STPG2: variants seen among roughly 807,000 people sequenced by gnomAD.
STPG2 encodes sperm-tail PG-rich repeat-containing protein 2.
In STPG2, 56 loss-of-function variants were observed where a neutral mutation model predicts 54.2. The observed-to-expected ratio is 1.03, with a 90% CI of 0.83 to 1.29. The LOEUF (loss-of-function observed/expected upper bound fraction) is 1.29, where lower values mean the gene tolerates loss of function less well. Ranked by LOEUF, STPG2 falls within the 50% of genes most tolerant of loss-of-function variation. The pLI is 0.00. For synonymous variants in STPG2, 200 were observed against 181.8 expected, an observed-to-expected ratio of 1.10 and a Z score of -0.81; for missense variants, 596 against 544.9, an observed-to-expected ratio of 1.09 and a Z score of -0.93.
chr4:97,989,157 GA>G (rs1396296796), intron 5 of STPG2, among the ~76,000 whole-genome samples: 3 of 152,164 alleles, frequency 2.0e-5, no homozygotes, highest in East Asian at 1.9e-4. Flanking sequence ...TGATATGTAA[GA>G]TTTTTTTTAT....
At chr4:97,773,593 T>C (rs1726282134) in intron 9 of STPG2, among the ~76,000 whole-genome samples, 1 of 152,152 alleles carries the variant, frequency 6.6e-6, no homozygotes, top group Admixed American at 6.5e-5. Context: ...ATTACAGGCA[T>C]GAGCCACCAC....
chr4:97,901,414 C>T (rs1158459294), intron 8 of STPG2, among the ~76,000 whole-genome samples: 5 of 151,862 alleles, frequency 3.3e-5, no homozygotes, highest in Non-Finnish European at 7.4e-5. Flanking sequence ...TTGAGGATGA[C>T]ATGTTCTTAC....
chr4:97,873,549 C>A (rs1398322821), intron 8 of STPG2, among the ~76,000 whole-genome samples: 1 of 151,386 alleles, frequency 6.6e-6, no homozygotes, highest in Non-Finnish European at 1.5e-5. Flanking sequence ...TGTATCTTCT[C>A]TTTTAATATG....
chr4:97,638,134 A>C (rs1357188525), intron 10 of STPG2, among the ~76,000 whole-genome samples: 1 of 152,186 alleles, frequency 6.6e-6, no homozygotes, highest in African/African-American at 2.4e-5. Flanking sequence ...TGGTACTGGT[A>C]CCAAAACAGA....
At chr4:97,979,820 G>C (rs926416975) in intron 6 of STPG2, among the ~76,000 whole-genome samples, 2 of 151,734 alleles carry the variant, frequency 1.3e-5, no homozygotes, top group Non-Finnish European at 2.9e-5. Flanking sequence ...CGCCTCCCAG[G>C]TTCAAGCAAT....
chr4:97,840,127 C>G (rs755672241), intron 9 of STPG2, among the ~76,000 whole-genome samples: 2 of 151,360 alleles, frequency 1.3e-5, no homozygotes, highest in Non-Finnish European at 3.0e-5. Context: ...TGTAAATGCT[C>G]AAATAAATGT....
At chr4:97,735,275 A>T (rs2149030046) in intron 9 of STPG2, among the ~76,000 whole-genome samples, 2 of 151,908 alleles carry the variant, frequency 1.3e-5, no homozygotes, top group South Asian at 4.1e-4. Flanking sequence ...ATATATATAC[A>T]TACACAAAGT....
chr4:97,502,650 A>G (rs888304270), intron 4 of STPG2, among the ~76,000 whole-genome samples: 1 of 152,018 alleles, frequency 6.6e-6, no homozygotes, highest in African/African-American at 2.4e-5. Flanking sequence ...AATGGTGGTA[A>G]ATATTGAATT....
intron 4 of STPG2, among the ~76,000 whole-genome samples, chr4:97,469,220 TAAC>T (rs1729865419): frequency 6.6e-6 from 1 of 152,090 alleles, no homozygotes; most frequent in African/African-American, 2.4e-5. Flanking sequence ...TTTTCTAAAA[TAAC>T]AACCCAGTGA....
chr4:97,892,144 C>T (rs1316908491), intron 8 of STPG2, among the ~76,000 whole-genome samples: 4 of 152,110 alleles, frequency 2.6e-5, no homozygotes, highest in Admixed American at 6.6e-5. Context: ...GAGATATAAT[C>T]ATGGGTTTTA....
chr4:97,930,072 T>C (rs747411953), intron 8 of STPG2, among the ~76,000 whole-genome samples: 9 of 152,076 alleles, frequency 5.9e-5, no homozygotes, highest in Non-Finnish European at 1.2e-4. Context: ...CTAATTTTTG[T>C]ATTTTTAGTA....
At chr4:97,631,705 C>A (rs1026531558) in intron 10 of STPG2, among the ~76,000 whole-genome samples, 1 of 152,014 alleles carries the variant, frequency 6.6e-6, no homozygotes, top group African/African-American at 2.4e-5. Context: ...ATTAAAGGAA[C>A]AAAGCCTGAG....
intron 4 of STPG2, among the ~76,000 whole-genome samples, chr4:97,550,337 T>C (rs1014864482): frequency 6.6e-6 from 1 of 151,910 alleles, no homozygotes; most frequent in East Asian, 1.9e-4. Context: ...AGGGCAAAGA[T>C]ATAATGTACC....
intron 10 of STPG2, among the ~76,000 whole-genome samples, chr4:97,684,795 G>C (rs553263164): frequency 6.6e-6 from 1 of 151,716 alleles, no homozygotes; most frequent in Non-Finnish European, 1.5e-5. Context: ...ACACTATTAG[G>C]AGAATGAAGA....
intron 8 of STPG2, among the ~76,000 whole-genome samples, chr4:97,887,263 G>A (rs1730611947): frequency 6.6e-6 from 1 of 152,184 alleles, no homozygotes; most frequent in Non-Finnish European, 1.5e-5. Flanking sequence ...AAGGAGACAG[G>A]AAGATGAGGG....
At chr4:98,116,838 T>C (rs937892988) in intron 3 of STPG2, among the ~76,000 whole-genome samples, 18 of 151,934 alleles carry the variant, frequency 1.2e-4, no homozygotes, top group African/African-American at 3.9e-4. Flanking sequence ...TTACTTTTCA[T>C]GTTACCAGAA....
chr4:97,839,086 T>A (rs1367790751), intron 9 of STPG2, among the ~76,000 whole-genome samples: 1 of 151,648 alleles, frequency 6.6e-6, no homozygotes, highest in African/African-American at 2.4e-5. Flanking sequence ...AATGAATACA[T>A]TTCCCTTACC....
At chr4:97,919,562 A>G (rs1732017701) in intron 8 of STPG2, among the ~76,000 whole-genome samples, 2 of 152,054 alleles carry the variant, frequency 1.3e-5, no homozygotes, top group Admixed American at 6.5e-5. Context: ...AAGCAAATAT[A>G]TTTGGCAATT....
chr4:97,810,066 TCAAAAA>T (rs1293166384), intron 9 of STPG2, among the ~76,000 whole-genome samples: 3 of 152,130 alleles, frequency 2.0e-5, no homozygotes, highest in African/African-American at 7.2e-5. Context: ...TTTTCAAAAC[TCAAAAA>T]CAGAAATAAC....
Sources: gnomAD v4.1 joint callset for allele counts (sites outside exome capture counted in the v4.1 genomes callset) on GRCh38, gnomAD v4.1.1 for gene constraint, MANE v1.5 for transcripts, NCBI Gene and HGNC (gene_info 2026-07-23, HGNC 2026-07-21) for gene names.